The following MUC12 variants were observed in gnomAD, a reference collection of about 807,000 sequenced individuals.
The protein encoded by MUC12 is mucin-12.
MUC12 carries 172 observed loss-of-function variants against 230.8 expected under a neutral mutation model. The ratio of observed to expected loss-of-function variants is 0.75; its 90% confidence interval spans 0.66 to 0.85. The LOEUF (loss-of-function observed/expected upper bound fraction) is 0.85. MUC12 is among the 40% of genes least tolerant of loss of function. The pLI, the probability that MUC12 is intolerant of heterozygous loss-of-function variation, is 0.00. For missense variants in MUC12, 3,506 were observed against 5,920.6 expected (o/e 0.59, Z 13.38); for synonymous variants, 1,259 against 2,401.9 (o/e 0.52, Z 13.91).
intron 2 of MUC12, 26 bp from the exon 3 acceptor site, chr7:101,006,444 AC>A: frequency 6.7e-7 from 1 of 1,496,426 alleles, no homozygotes; most frequent in Non-Finnish European, 9.0e-7. Flanking sequence ...TCCCACGGTG[AC>A]TGCTGTGGAT....
chr7:100,973,679 C>A (rs1173749799), intron 1 of MUC12, among the ~76,000 whole-genome samples: 1 of 152,174 alleles, frequency 6.6e-6, no homozygotes, highest in Non-Finnish European at 1.5e-5. Flanking sequence ...CCACACCTGG[C>A]CAATTTCTAT....
At position 101,004,392 on chromosome 7, in the gene MUC12, G is replaced by T; in HGVS notation, c.13829G>T (p.Gly4610Val). 6.7e-7 allele frequency: 1 copy of T among 1,488,508 alleles called. No homozygotes were observed. The highest frequency in any genetic ancestry group is 8.9e-7 in the Non-Finnish European group (1 of 1,126,200). 92.2% of individuals were successfully genotyped at this position (1,488,508 alleles called of 1,614,324 possible). The change falls in exon 2 of 12, where the codon GGC becomes GTC. Residue 4610 changes from glycine (G) to valine (V), a missense_variant. Physicochemically the swap from Gly to Val is moderately radical, Grantham distance 109. Transcript: ENST00000536621. ...TCTACGGCGTACCACAGCAGCCCGG[G>T]CTCAACTCAAACAATGCACTTCCCT... The part of the protein sequence containing the change: ...EESTAYHSSP[G>V]STQTMHFPES...
At chr7:101,011,760 A>AT (rs1793842304) in intron 5 of MUC12, among the ~76,000 whole-genome samples, 1 of 152,106 alleles carries the variant, frequency 6.6e-6, no homozygotes, top group Non-Finnish European at 1.5e-5. Flanking sequence ...ATATTCCACA[A>AT]TAGACCACAT....
Position 100,992,152 on chromosome 7 carries a change from C to A in MUC12, c.1589C>A (p.Ser530Ter), listed in dbSNP as rs562088876. The A allele has an allele frequency of 2.0e-6, 3 of 1,537,854 alleles. No homozygotes were observed. The African/African-American group carries it at 4.1e-5, about 21-fold the overall frequency. Reference protein sequence around the residue: ...ESTTSHSRPGSTHTTAFPGST... With the variant: ...ESTTSHSRPG ...ACCACCTCCCACAGCCGACCAGGCT[C>A]AACACACACAACAGCATTCCCTGGC... The change falls in exon 2 of 12, where the codon TCA (serine) becomes TAA (stop). Residue 530 changes from serine (S) to a stop codon, truncating the protein, a stop_gained. Transcript: ENST00000536621. LOFTEE classifies it high-confidence loss of function.
chr7:100,986,085 G>A (rs1435217536), intron 1 of MUC12, among the ~76,000 whole-genome samples: 1 of 152,144 alleles, frequency 6.6e-6, no homozygotes, highest in Non-Finnish European at 1.5e-5. Context: ...CATGTGGCCG[G>A]TGTGTGCCTC....
Position 101,006,386 on chromosome 7 carries a change from C to T in MUC12, c.14957-85C>T, listed in dbSNP as rs551207260. The T allele has an allele frequency of 1.9e-5, 17 of 888,042 alleles. 1 individual carries two copies. In the Admixed American group the frequency reaches 2.2e-4, roughly 12 times the overall value. The allele number at this position is 888,042 out of a possible 1,614,324, so 55.0% of individuals were successfully genotyped here. ...CATCGTCCTGCTCTCCAGTGCGATG[C>T]TGAGTGACTGGACCTGGAATGGGAG... On this transcript the variant is annotated intron_variant, in intron 2 of 11. Transcript: ENST00000536621.
Position 101,004,671 on chromosome 7 carries a change from C to G in MUC12, c.14108C>G (p.Thr4703Ser). The G allele has an allele frequency of 2.0e-6, 3 of 1,537,476 alleles. No individual in the cohort carries two copies. The highest frequency in any genetic ancestry group is 2.6e-6 in the Non-Finnish European group (3 of 1,146,654). Residue 4703 changes from threonine (T) to serine (S), a missense_variant, in exon 2 of 12, where the codon ACT becomes AGT. Physicochemically the swap from Thr to Ser is moderately conservative, Grantham distance 58. Transcript: ENST00000536621. ...ATCACACCCTTACCTGCCCATTTTA[C>G]TACCTCAGGCCGCATTGCAGAATCT... is the stretch of plus-strand genomic sequence containing the variant. Reference protein sequence around the residue: ...NGITPLPAHFTTSGRIAESTT... With the variant: ...NGITPLPAHFSTSGRIAESTT...
rs574325073 is a variant in MUC12 at position 101,005,432 on chromosome 7, C to T, written c.14869C>T (p.Leu4957Phe). Reference sequence around the variant, plus strand: ...TCCTGCGAGTTCCAGCACATCAGGCCTCACTGAGGAATCTACCACCTTCCA... The same window carrying T: ...TCCTGCGAGTTCCAGCACATCAGGCTTCACTGAGGAATCTACCACCTTCCA... ...LFPASSSTSG[L>F]TEESTTFHTS... is the part of the protein sequence containing the mutation. The change falls in exon 2 of 12, where the codon CTC becomes TTC. Residue 4957 changes from leucine (L) to phenylalanine (F), a missense_variant. Coordinates refer to ENST00000536621, the MANE Select transcript of MUC12 (RefSeq NM_001164462.2). 240 of 1,537,916 alleles carry T rather than the reference C, an allele frequency of 1.6e-4. 1 individual carries two copies. The highest frequency in any genetic ancestry group is 1.2e-3 in the Admixed American group (61 of 51,008).
In MUC12 at chr7:101,004,888, A is replaced by G; in HGVS notation, c.14325A>G (p.Ser4775=). The stretch of plus-strand genomic sequence containing the variant: ...CCAGCTTGTATAGCCAAGCAGAGTC[A>G]ACACACACAACAGCGTTCCCTGCCA... ...EPTSLYSQAE[S]THTTAFPAST... is the part of the protein sequence containing the mutation. Residue 4775 remains serine (S), a synonymous_variant, in exon 2 of 12, where the codon TCA becomes TCG. Coordinates refer to ENST00000536621, the MANE Select transcript of MUC12 (RefSeq NM_001164462.2). 6.5e-7 allele frequency: 1 copy of G among 1,537,836 alleles called. No individual in the cohort carries two copies. The highest frequency in any genetic ancestry group is 8.7e-7 in the Non-Finnish European group (1 of 1,147,048).
chr7:100,990,638 A>C lies in MUC12; in HGVS notation c.75A>C (p.Thr25=), dbSNP rs1236305955. The C allele has an allele frequency of 6.5e-7, 1 of 1,537,504 alleles. No individual in the cohort carries two copies. Among genetic ancestry groups the C allele is most frequent in the Admixed American group, 2.0e-5 (1 of 51,004 alleles). ...GTTTCTCTCAAATCACAGGCTCAAC[A>C]GTAAACACCAGTATTGGAGGTAATA... ...ASVTTVTPGS[T]VNTSIGGNTT... The change falls in exon 2 of 12, where the codon ACA becomes ACC. Residue 25 remains threonine, a synonymous_variant. Coordinates refer to ENST00000536621, the MANE Select transcript of MUC12 (RefSeq NM_001164462.2).
Position 100,976,801 on chromosome 7 carries a change from A to C in MUC12, c.67+7112A>C, listed in dbSNP as rs561301278. Among the ~76,000 whole-genome samples the C allele has an allele frequency of 3.9e-4, 59 of 152,218 alleles. 1 individual carries two copies. The highest frequency in any genetic ancestry group is 1.2e-3 in the African/African-American group (50 of 41,524). ...CGTGGTGTCTCACGCCTGTAATCCC[A>C]ACACTTTGGGAGGTCAAGGCAGGCA... On this transcript the variant is annotated intron_variant, in intron 1 of 11. Coordinates refer to ENST00000536621, the MANE Select transcript of MUC12 (RefSeq NM_001164462.2).
rs1043671995 is a variant in MUC12, at chr7:100,970,978, C to T, written c.67+1289C>T. 3.3e-5 allele frequency among the ~76,000 whole-genome samples: 5 copies of T among 149,944 alleles called. No individual in the cohort carries two copies. In the South Asian group the frequency reaches 8.5e-4, roughly 25 times the overall value. On this transcript the variant is annotated intron_variant, in intron 1 of 11. Transcript: ENST00000536621. ...CGCCACTGCACTCCAACCTGGGCGACAGCGAGACTCCGTCTCAAAAAAAAA... is the reference window on the plus strand; with the variant it reads ...CGCCACTGCACTCCAACCTGGGCGATAGCGAGACTCCGTCTCAAAAAAAAA...
intron 1 of MUC12, among the ~76,000 whole-genome samples, chr7:100,981,040 T>C (rs945525652): frequency 4.6e-5 from 7 of 152,210 alleles, no homozygotes; most frequent in African/African-American, 1.7e-4. Flanking sequence ...CTAGCTACTA[T>C]AGTCATCTAT....
intron 1 of MUC12, among the ~76,000 whole-genome samples, chr7:100,977,609 C>T (rs912821861): frequency 2.6e-5 from 4 of 152,160 alleles, no homozygotes; most frequent in African/African-American, 9.7e-5. Context: ...CGTGATCCAC[C>T]CACCTTGGCC....
rs1306759736 is a variant in MUC12 at position 100,995,463 on chromosome 7, A to G, written c.4900A>G (p.Thr1634Ala). ...TASSLGPESTTFHSSPGSTET... is the reference protein window; with the variant it reads ...TASSLGPESTAFHSSPGSTET... ...ATCATCCCTTGGTCCAGAATCTACTACTTTCCACAGCAGCCCAGGCTCCAC... is the reference window on the plus strand; with the variant it reads ...ATCATCCCTTGGTCCAGAATCTACTGCTTTCCACAGCAGCCCAGGCTCCAC... Residue 1634 changes from threonine to alanine, a missense_variant, in exon 2 of 12, where the codon ACT (threonine) becomes GCT (alanine). Physicochemically the swap from Thr to Ala is moderately conservative, Grantham distance 58. Transcript: ENST00000536621. The G allele has an allele frequency of 5.2e-6, 8 of 1,525,450 alleles. No homozygotes were observed. The Admixed American group carries it at 1.2e-4, about 23-fold the overall frequency. The allele number at this position is 1,525,450 out of a possible 1,614,324, so 94.5% of individuals were successfully genotyped here.
In MUC12 at chr7:101,003,002, T is replaced by A. The variant is rs1793636454; in HGVS notation, c.12439T>A (p.Phe4147Ile). The A allele has an allele frequency of 8.3e-7, 1 of 1,203,182 alleles. No individual in the cohort carries two copies. Among genetic ancestry groups the A allele is most frequent in the Admixed American group, 2.2e-5 (1 of 45,728 alleles). The allele number at this position is 1,203,182 out of a possible 1,614,324, so 74.5% of individuals were successfully genotyped here. Residue 4147 changes from phenylalanine to isoleucine, a missense_variant, in exon 2 of 12, where the codon TTC (phenylalanine) becomes ATC (isoleucine). By Grantham distance (21) the Phe-to-Ile change is conservative (BLOSUM62 0). Coordinates refer to ENST00000536621, the MANE Select transcript of MUC12 (RefSeq NM_001164462.2). ...SSPGATGTALFPTRSATSVLV... is the reference protein window; with the variant it reads ...SSPGATGTALIPTRSATSVLV... ...CCCAGGTGCAACTGGAACAGCACTC[T>A]TCCCTACCCGCTCTGCAACCTCAGT...
rs1418670418 is a variant in MUC12 at position 100,997,066 on chromosome 7, TAAC to T, written c.6507_6509del (p.Thr2170del). ...CGCATCAGTCCAGGCTCAACTGAAATAACAACGTTACCTGGCAGTACCACAACA... is the reference window on the plus strand; with the variant it reads ...CGCATCAGTCCAGGCTCAACTGAAATAACGTTACCTGGCAGTACCACAACA... On this transcript the variant is annotated inframe_deletion, in exon 2 of 12. Transcript: ENST00000536621. 1.8e-5 allele frequency: 5 copies of T among 272,994 alleles called. No individual in the cohort carries two copies. Among genetic ancestry groups the T allele is most frequent in the Non-Finnish European group, 2.6e-5 (5 of 189,222 alleles). The allele number at this position is 272,994 out of a possible 1,614,324, so 16.9% of individuals were successfully genotyped here.
rs377544222 is a variant in MUC12, at chr7:100,991,986, A to G, written c.1423A>G (p.Met475Val). 68 of 1,537,980 alleles carry G rather than the reference A, an allele frequency of 4.4e-5. 1 individual carries two copies. In the East Asian group the frequency reaches 1.2e-3, roughly 28 times the overall value. The change falls in exon 2 of 12, where the codon ATG becomes GTG. Residue 475 changes from methionine to valine, a missense_variant. Coordinates refer to ENST00000536621, the MANE Select transcript of MUC12 (RefSeq NM_001164462.2). ...STPSPISSGS[M>V]ETTALPGSTT... Reference sequence around the variant, plus strand: ...GCCCTCACCCATCAGTTCAGGCTCAATGGAAACCACAGCGTTACCCGGCAG... The same window carrying G: ...GCCCTCACCCATCAGTTCAGGCTCAGTGGAAACCACAGCGTTACCCGGCAG...
chr7:100,982,926 G>A (rs944892155), intron 1 of MUC12, among the ~76,000 whole-genome samples: 3 of 151,512 alleles, frequency 2.0e-5, no homozygotes, highest in African/African-American at 7.3e-5. Context: ...GTAAAGACAG[G>A]ATCTTGATAT....
Sources: gnomAD v4.1 joint callset for allele counts (sites outside exome capture counted in the v4.1 genomes callset) on GRCh38, gnomAD v4.1.1 for gene constraint, MANE v1.5 for transcripts, NCBI Gene and HGNC (gene_info 2026-07-23, HGNC 2026-07-21) for gene names.